Variants in MKI67 observed in about 807,000 individuals in gnomAD.
MKI67 encodes the protein proliferation marker protein Ki-67.
A neutral mutation model predicts 233.5 loss-of-function variants in MKI67; 152 were observed. The ratio of observed to expected loss-of-function variants is 0.65; its 90% confidence interval spans 0.57 to 0.74. MKI67 has a LOEUF of 0.74. Ranked by LOEUF, MKI67 falls within the 30% of genes least tolerant of loss-of-function variation. The pLI is 0.00. For synonymous variants in MKI67, 1,465 were observed against 1,418.5 expected, an observed-to-expected ratio of 1.03 and a Z score of -0.74; for missense variants, 3,940 against 3,885.2, an observed-to-expected ratio of 1.01 and a Z score of -0.37.
Position 128,106,608 on chromosome 10 carries a change from T to A in MKI67, c.5232A>T (p.Leu1744=), listed in dbSNP as rs1481206335. The A allele has an allele frequency of 3.1e-6, 5 of 1,614,130 alleles. No homozygotes were observed. The East Asian group carries it at 1.1e-4, about 36-fold the overall frequency. ...KVSYRASQPD[L]VDTPTSSKPQ... is the part of the protein sequence containing the mutation. Reference sequence around the variant, plus strand: ...GCTTGGAGCTTGTTGGGGTGTCCACTAGGTCTGGCTGTGAAGCTCTGTAGG... The same window carrying A: ...GCTTGGAGCTTGTTGGGGTGTCCACAAGGTCTGGCTGTGAAGCTCTGTAGG... Residue 1744 remains leucine, a synonymous_variant, in exon 13 of 15, where the codon CTA becomes CTT. Coordinates refer to ENST00000368654, the MANE Select transcript of MKI67 (RefSeq NM_002417.5).
At chr10:128,118,836 T>A (rs964117124) in intron 5 of MKI67, among the ~76,000 whole-genome samples, 5 of 152,234 alleles carry the variant, frequency 3.3e-5, no homozygotes, top group Admixed American at 3.3e-4. Flanking sequence ...GAGAAGCATC[T>A]TTGGCACTCA....
At position 128,103,272 on chromosome 10, in the gene MKI67, T is replaced by C; in HGVS notation, c.8568A>G (p.Leu2856=). The change falls in exon 13 of 15, where the codon TTA becomes TTG. Residue 2856 remains leucine (L), a synonymous_variant. Transcript: ENST00000368654. ...AQKVEVKEEL[L]AVGKLTQTSG... ...AGGTTTGTGTGAGCTTGCCAACTGC[T>C]AACAGCTCCTCCTTCACTTCTACTT... 6.2e-7 allele frequency: 1 copy of C among 1,614,148 alleles called. No homozygotes were observed. The highest frequency in any genetic ancestry group is 8.5e-7 in the Non-Finnish European group (1 of 1,179,988).
rs1852589201 is a variant in MKI67 at position 128,108,674 on chromosome 10, T to C, written c.3166A>G (p.Arg1056Gly). Residue 1056 changes from arginine to glycine, a missense_variant, in exon 13 of 15, where the codon AGA becomes GGA. Coordinates refer to ENST00000368654, the MANE Select transcript of MKI67 (RefSeq NM_002417.5). Reference sequence around the variant, plus strand: ...CTCTTGCCATCTCCTGCTGGCTCTCTGTGCGTGTGCGTGGTCTCCCCTGAC... The same window carrying C: ...CTCTTGCCATCTCCTGCTGGCTCTCCGTGCGTGTGCGTGGTCTCCCCTGAC... ...RTSGETTHTH[R>G]EPAGDGKSIR... 2 of 1,614,230 alleles carry C rather than the reference T, an allele frequency of 1.2e-6. No homozygotes were observed. Among genetic ancestry groups the C allele is most frequent in the East Asian group, 4.5e-5 (2 of 44,872 alleles).
chr10:128,124,508 C>T (rs983472134), intron 2 of MKI67, among the ~76,000 whole-genome samples: 5 of 152,186 alleles, frequency 3.3e-5, no homozygotes, highest in Admixed American at 3.3e-4. Flanking sequence ...CTGTGAGAAC[C>T]ACTGTTCTCA....
rs201154383 is a variant in MKI67, at chr10:128,107,541, C to T, written c.4299G>A (p.Ala1433=). ...VPGGEDKSIN[A]FRETAKQKLD... ...GTTTCTGTTTTGCAGTTTCCCTAAA[C>T]GCGTTGATGCTTTTATCCTCACCTC... Residue 1433 remains alanine, a synonymous_variant, in exon 13 of 15, where the codon GCG becomes GCA. Transcript: ENST00000368654. 3.1e-5 allele frequency: 50 copies of T among 1,614,014 alleles called. No individual in the cohort carries two copies. The highest frequency in any genetic ancestry group is 9.3e-5 in the African/African-American group (7 of 74,980).
intron 5 of MKI67, 45 bp from the exon 6 acceptor site, chr10:128,116,581 A>C: frequency 6.6e-7 from 1 of 1,524,186 alleles, no homozygotes; most frequent in Non-Finnish European, 9.1e-7. Flanking sequence ...GGTCTTTCTA[A>C]ATGATGACAG....
At chr10:128,099,317 C>A in intron 14 of MKI67, 62 bp from the exon 15 acceptor site, 1 of 1,366,446 alleles carries the variant, frequency 7.3e-7, no homozygotes, top group Non-Finnish European at 1.0e-6. Context: ...TTAGAATCGA[C>A]CTCCTCTGCA....
intron 5 of MKI67, 45 bp from the exon 6 acceptor site, chr10:128,116,581 AATG>A (rs1446605025): frequency 6.6e-7 from 1 of 1,524,186 alleles, no homozygotes; most frequent in South Asian, 1.1e-5. Flanking sequence ...GGTCTTTCTA[AATG>A]ATGACAGTCA....
At chr10:128,118,409 A>G (rs1430948169) in intron 5 of MKI67, among the ~76,000 whole-genome samples, 1 of 151,906 alleles carries the variant, frequency 6.6e-6, no homozygotes, top group Admixed American at 6.6e-5. Context: ...AAAAAAAAAA[A>G]AAAAAAAGGC....
At position 128,108,352 on chromosome 10, in the gene MKI67, A is replaced by G. The variant is rs1173553009; in HGVS notation, c.3488T>C (p.Leu1163Pro). Residue 1163 changes from leucine (L) to proline (P), a missense_variant, in exon 13 of 15, where the codon CTC becomes CCC. Physicochemically the swap from Leu to Pro is moderately conservative, Grantham distance 98. Transcript: ENST00000368654. ...KADVEEEFLA[L>P]RKLTPSAGKA... is the part of the protein sequence containing the mutation. ...CCCTGCTGATGGTGTTAGTTTCCTG[A>G]GTGCTAAGAATTCTTCCTCTACATC... The G allele has an allele frequency of 1.2e-6, 2 of 1,613,128 alleles. No individual in the cohort carries two copies. Among genetic ancestry groups the G allele is most frequent in the Admixed American group, 1.7e-5 (1 of 59,908 alleles).
Position 128,107,266 on chromosome 10 carries a change from A to C in MKI67, c.4574T>G (p.Phe1525Cys), listed in dbSNP as rs1852525774. The C allele has an allele frequency of 6.2e-7, 1 of 1,614,070 alleles. No homozygotes were observed. The highest frequency in any genetic ancestry group is 1.7e-5 in the Admixed American group (1 of 60,012). ...LRKVDVEEEFFALRKRTPSAG... is the reference protein window; with the variant it reads ...LRKVDVEEEFCALRKRTPSAG... Reference sequence around the variant, plus strand: ...TGATGGTGTTCGTTTCCTGAGTGCGAAGAATTCTTCTTCTACGTCCACTTT... The same window carrying C: ...TGATGGTGTTCGTTTCCTGAGTGCGCAGAATTCTTCTTCTACGTCCACTTT... Residue 1525 changes from phenylalanine (F) to cysteine (C), a missense_variant, in exon 13 of 15, where the codon TTC becomes TGC. Transcript: ENST00000368654.
Position 128,125,679 on chromosome 10 carries a change from TA to T in MKI67, c.-13del, listed in dbSNP as rs774244289. 10 of 1,610,166 alleles carry T rather than the reference TA, an allele frequency of 6.2e-6. No homozygotes were observed. The South Asian group carries it at 7.7e-5, about 12-fold the overall frequency. On this transcript the variant is annotated 5_prime_UTR_variant, in exon 2 of 15. Transcript: ENST00000368654. The surrounding 1 kb of genome is among the most constrained non-coding windows in gnomAD (Gnocchi z 5.3). ...CTCGTGGGCCACATTTTCTAAACAG[TA>T]AGTTGAGTATAATCCGTAGGGGAAG... is the stretch of plus-strand genomic sequence containing the variant.
Position 128,108,613 on chromosome 10 carries a change from A to G in MKI67, c.3227T>C (p.Leu1076Pro), listed in dbSNP as rs777015943. The stretch of plus-strand genomic sequence containing the variant: ...TCCAGTTACACGGGCTGCTGGGTCC[A>G]GGATCTGCTTTGGAGACTCCTTAAA... ...RTFKESPKQI[L>P]DPAARVTGMK... The change falls in exon 13 of 15, where the codon CTG (leucine) becomes CCG (proline). Residue 1076 changes from leucine to proline, a missense_variant. Physicochemically the swap from Leu to Pro is moderately conservative, Grantham distance 98. Coordinates refer to ENST00000368654, the MANE Select transcript of MKI67 (RefSeq NM_002417.5). 2.4e-5 allele frequency: 38 copies of G among 1,614,062 alleles called. No individual in the cohort carries two copies. Among genetic ancestry groups the G allele is most frequent in the Non-Finnish European group, 3.2e-5 (38 of 1,180,034 alleles).
At position 128,103,445 on chromosome 10, in the gene MKI67, C is replaced by G; in HGVS notation, c.8395G>C (p.Asp2799His). The G allele has an allele frequency of 6.2e-7, 1 of 1,613,866 alleles. No individual in the cohort carries two copies. Among genetic ancestry groups the G allele is most frequent in the African/African-American group, 1.3e-5 (1 of 74,930 alleles). ...APRESAQAIE[D>H]LAGFKDPAAG... ...GCTGGGTCTTTGAAGCCAGCTAGGT[C>G]TTCTATGGCTTGGGCACTTTCCCTG... is the stretch of plus-strand genomic sequence containing the variant. Residue 2799 changes from aspartate to histidine, a missense_variant, in exon 13 of 15, where the codon GAC (aspartate) becomes CAC (histidine). Asp to His is a moderately conservative substitution (Grantham distance 81). Coordinates refer to ENST00000368654, the MANE Select transcript of MKI67 (RefSeq NM_002417.5).
intron 13 of MKI67, 122 bp from the exon 14 acceptor site, chr10:128,101,823 T>C: frequency 1.3e-6 from 1 of 769,754 alleles, no homozygotes; most frequent in Non-Finnish European, 2.0e-6. Flanking sequence ...CACACACTGA[T>C]GAATTGTCTA....
At position 128,115,256 on chromosome 10, in the gene MKI67, C is replaced by CT. The variant is rs1447288915; in HGVS notation, c.1151dup (p.Ala385GlyfsTer3). The CT allele has an allele frequency of 1.2e-6, 2 of 1,614,090 alleles. No homozygotes were observed. Among genetic ancestry groups the CT allele is most frequent in the Non-Finnish European group, 1.7e-6 (2 of 1,180,034 alleles). On this transcript the variant is annotated frameshift_variant, in exon 7 of 15. Transcript: ENST00000368654. LOFTEE classifies it high-confidence loss of function. ...TGGGAGTAAGAGTTTTATCACCAGC[C>CT]TTGAAGCCTTCACTTTTACCCAGAT...
Position 128,104,205 on chromosome 10 carries a change from C to T in MKI67, c.7635G>A (p.Gln2545=). Residue 2545 remains glutamine, a synonymous_variant, in exon 13 of 15, where the codon CAG becomes CAA. Transcript: ENST00000368654. The stretch of plus-strand genomic sequence containing the variant: ...GGGCCTTTTCCTTACGAGTTCTCAG[C>T]TGCCTCCTGCTACCAGTTACACTTG... The part of the protein sequence containing the change: ...PAASVTGSRR[Q]LRTRKEKARA... The T allele has an allele frequency of 6.2e-7, 1 of 1,614,042 alleles. No homozygotes were observed. The highest frequency in any genetic ancestry group is 1.3e-5 in the African/African-American group (1 of 75,004).
At position 128,124,579 on chromosome 10, in the gene MKI67, T is replaced by C. The variant is rs145485196; in HGVS notation, c.92+997A>G. 1.1e-4 allele frequency among the ~76,000 whole-genome samples: 16 copies of C among 152,224 alleles called. No homozygotes were observed. In the East Asian group the frequency reaches 3.1e-3, roughly 30 times the overall value. On this transcript the variant is annotated intron_variant, in intron 2 of 14. Coordinates refer to ENST00000368654, the MANE Select transcript of MKI67 (RefSeq NM_002417.5). ...TACTGACCCTTGCCAGAATGCTAGG[T>C]ATTGATCACACCCCCTATGCCAGAC... is the stretch of plus-strand genomic sequence containing the variant.
rs1330238891 is a variant in MKI67 at position 128,106,720 on chromosome 10, G to A, written c.5120C>T (p.Pro1707Leu). 4.3e-6 allele frequency: 7 copies of A among 1,613,308 alleles called. No homozygotes were observed. In the African/African-American group the frequency reaches 9.4e-5, roughly 22 times the overall value. The change falls in exon 13 of 15, where the codon CCT becomes CTT. Residue 1707 changes from proline to leucine, a missense_variant. Pro to Leu is a moderately conservative substitution (Grantham distance 98). Coordinates refer to ENST00000368654, the MANE Select transcript of MKI67 (RefSeq NM_002417.5). ...LRTPKGKSEV[P>L]EDLAGFIELF... ...CTCGATGAAGCCGGCCAGGTCTTCA[G>A]GGACTTCAGACTTTCCCTTAGGAGT...
Sources: gnomAD v4.1 joint callset for allele counts (sites outside exome capture counted in the v4.1 genomes callset) on GRCh38, gnomAD v4.1.1 for gene constraint, Gnocchi (gnomAD v3.1) non-coding constraint, MANE v1.5 for transcripts, NCBI Gene and HGNC (gene_info 2026-07-23, HGNC 2026-07-21) for gene names.